The following DCC variants were observed in gnomAD, a reference collection of about 807,000 sequenced individuals.
The protein encoded by DCC is DCC netrin 1 receptor.
Under a neutral mutation model 172.5 loss-of-function variants are expected in DCC, and 58 were observed. That is an observed-to-expected ratio of 0.34 (90% CI 0.27 to 0.42). DCC has a LOEUF of 0.42. DCC is among the 10% of genes least tolerant of loss of function. The pLI is 1.00. For synonymous variants in DCC, 709 were observed against 644.5 expected (o/e 1.10, Z -1.52); for missense variants, 1,740 against 1,791.0 (o/e 0.97, Z 0.51).
At chr18:53,485,542 C>G (rs2045890503) in intron 25 of DCC, among the ~76,000 whole-genome samples, 1 of 152,046 alleles carries the variant, frequency 6.6e-6, no homozygotes, top group Non-Finnish European at 1.5e-5. Flanking sequence ...TCTTCATTTT[C>G]AAACCAGTCC....
chr18:52,887,305 G>A (rs761825043), intron 2 of DCC, among the ~76,000 whole-genome samples: 1 of 151,044 alleles, frequency 6.6e-6, no homozygotes, highest in Non-Finnish European at 1.5e-5. Flanking sequence ...AATCATCAAT[G>A]GTTTTTTTTT....
rs369195385 is a variant in DCC, at chr18:52,349,879, GT to G, written c.91+9004del. ...TTCTTACTTTAACTCCCTCTAGTTT[GT>G]TTATATCTTTCTTGTAATCAAGGGG... is the stretch of plus-strand genomic sequence containing the variant. On this transcript the variant is annotated intron_variant, in intron 1 of 28. Transcript: ENST00000442544. 8.1e-4 allele frequency among the ~76,000 whole-genome samples: 123 copies of G among 152,206 alleles called. 1 individual carries two copies. The highest frequency in any genetic ancestry group is 2.8e-3 in the African/African-American group (115 of 41,534).
At chr18:52,392,518 T>A (rs1345352355) in intron 1 of DCC, among the ~76,000 whole-genome samples, 2 of 152,148 alleles carry the variant, frequency 1.3e-5, no homozygotes, top group Admixed American at 6.5e-5. Flanking sequence ...ATTTACTTTA[T>A]GTACAATGCA....
At chr18:52,707,001 G>A (rs1362001798) in intron 1 of DCC, among the ~76,000 whole-genome samples, 5 of 152,158 alleles carry the variant, frequency 3.3e-5, no homozygotes, top group Non-Finnish European at 7.3e-5. Flanking sequence ...GGAGGTAGAA[G>A]CTGGGGTTGG....
intron 9 of DCC, 122 bp downstream of exon 9, chr18:53,179,238 A>T (rs1400093264): frequency 1.0e-6 from 1 of 971,064 alleles, no homozygotes; most frequent in East Asian, 2.6e-5. Flanking sequence ...TTTTCTTCTA[A>T]GTAAACTTAT....
In DCC at chr18:53,215,423, G is replaced by T. The variant is rs984092424; in HGVS notation, c.1862-125G>T. On this transcript the variant is annotated intron_variant, in intron 11 of 28. Coordinates refer to ENST00000442544, the MANE Select transcript of DCC (RefSeq NM_005215.4). ...CAAAAATTTTTGAAGTACTACCTGG[G>T]TTAACCTACCTAATTATCATTATAA... is the stretch of plus-strand genomic sequence containing the variant. 2.4e-4 allele frequency: 198 copies of T among 818,758 alleles called. 2 individuals are homozygous for T. The highest frequency in any genetic ancestry group is 1.5e-4 in the Non-Finnish European group (70 of 471,752). 50.7% of individuals were successfully genotyped at this position (818,758 alleles called of 1,614,324 possible). A position where few individuals can be genotyped will look rare whatever the true frequency, so the allele number is the denominator to read the frequency against.
At chr18:53,271,522 T>C (rs2056749220) in intron 12 of DCC, among the ~76,000 whole-genome samples, 3 of 152,146 alleles carry the variant, frequency 2.0e-5, no homozygotes, top group African/African-American at 7.2e-5. Flanking sequence ...TCAAAGCTCA[T>C]ACATTTGGCT....
intron 2 of DCC, among the ~76,000 whole-genome samples, chr18:52,847,778 A>G (rs543996509): frequency 6.8e-4 from 103 of 152,228 alleles, no homozygotes; most frequent in Non-Finnish European, 1.2e-3. Context: ...TCCACTGGCT[A>G]GTGTGAAGCA....
chr18:52,347,880 T>G (rs891605445), intron 1 of DCC, among the ~76,000 whole-genome samples: 1 of 152,164 alleles, frequency 6.6e-6, no homozygotes, highest in Admixed American at 6.6e-5. Flanking sequence ...ACTATACATA[T>G]AGTGTTTGGT....
chr18:53,435,465 G>A (rs1305875033), intron 22 of DCC, among the ~76,000 whole-genome samples: 1 of 152,082 alleles, frequency 6.6e-6, no homozygotes, highest in African/African-American at 2.4e-5. Flanking sequence ...AGTTAGAGAA[G>A]CCCAGCATGG....
chr18:52,585,878 T>C (rs951386137), intron 1 of DCC, among the ~76,000 whole-genome samples: 1 of 152,142 alleles, frequency 6.6e-6, no homozygotes, highest in African/African-American at 2.4e-5. Flanking sequence ...GGTTAGGTGA[T>C]CAAGACCATC....
chr18:52,673,586 A>C (rs1439850374), intron 1 of DCC, among the ~76,000 whole-genome samples: 1 of 152,186 alleles, frequency 6.6e-6, no homozygotes, highest in Non-Finnish European at 1.5e-5. Flanking sequence ...TCTTCACTAT[A>C]AATTTTTTCC....
intron 12 of DCC, among the ~76,000 whole-genome samples, chr18:53,261,749 T>C (rs1408872196): frequency 2.0e-5 from 3 of 152,154 alleles, no homozygotes; most frequent in Non-Finnish European, 4.4e-5. Context: ...TCCACCTGCC[T>C]TGGCCTCCCA....
At chr18:53,160,513 CA>C (rs2054819403) in intron 8 of DCC, among the ~76,000 whole-genome samples, 1 of 152,158 alleles carries the variant, frequency 6.6e-6, no homozygotes, top group African/African-American at 2.4e-5. Flanking sequence ...ACTTGCTTAG[CA>C]AAAACCAACT....
At chr18:53,189,322 T>A (rs1029887518) in intron 9 of DCC, among the ~76,000 whole-genome samples, 7 of 152,068 alleles carry the variant, frequency 4.6e-5, no homozygotes, top group Non-Finnish European at 1.0e-4. Context: ...AGGGATTTTA[T>A]CAATTGAAGG....
chr18:52,390,572 G>C (rs1416849578), intron 1 of DCC, among the ~76,000 whole-genome samples: 1 of 152,070 alleles, frequency 6.6e-6, no homozygotes, highest in Non-Finnish European at 1.5e-5. Flanking sequence ...CTGATGAGTG[G>C]AATGGCTTCC....
At chr18:53,127,053 A>G (rs1291797711) in intron 7 of DCC, among the ~76,000 whole-genome samples, 1 of 151,694 alleles carries the variant, frequency 6.6e-6, no homozygotes, top group African/African-American at 2.4e-5. Context: ...CACATATTAG[A>G]GATCAGTTTT....
rs533858641 is a variant in DCC, at chr18:52,584,957, C to G, written c.92-167097C>G. Among the ~76,000 whole-genome samples the G allele has an allele frequency of 8.5e-5, 13 of 152,270 alleles. No individual in the cohort carries two copies. In the South Asian group the frequency reaches 2.7e-3, roughly 32 times the overall value. On this transcript the variant is annotated intron_variant, in intron 1 of 28. Coordinates refer to ENST00000442544, the MANE Select transcript of DCC (RefSeq NM_005215.4). ...GGAATATTCTCAGTTGCACTTAGTA[C>G]CAGAACACAATAATTACTAAACATT...
intron 13 of DCC, among the ~76,000 whole-genome samples, chr18:53,309,399 AT>A (rs1469700912): frequency 1.3e-5 from 2 of 152,146 alleles, no homozygotes; most frequent in Non-Finnish European, 2.9e-5. Flanking sequence ...GGATGACTTC[AT>A]CTTGAGATCA....
Sources: allele counts gnomAD v4.1 joint callset (sites outside exome capture counted in the v4.1 genomes callset), GRCh38; gene constraint gnomAD v4.1.1; transcripts MANE v1.5; gene names NCBI Gene and HGNC (gene_info 2026-07-23, HGNC 2026-07-21).